Variants in CADPS2 observed in about 807,000 individuals in gnomAD.
CADPS2 encodes calcium-dependent secretion activator 2.
CADPS2 carries 93 observed loss-of-function variants against 172.5 expected under a neutral mutation model. That is an observed-to-expected ratio of 0.54 (90% CI 0.46 to 0.64). CADPS2 has a LOEUF of 0.64. Among genes scored for constraint, CADPS2 ranks in the 30% least tolerant of loss-of-function variants. CADPS2 has a pLI of 0.00. For missense variants in CADPS2, 1,420 were observed against 1,565.9 expected (o/e 0.91, Z 1.57); for synonymous variants, 546 against 555.2 (o/e 0.98, Z 0.23).
intron 8 of CADPS2, among the ~76,000 whole-genome samples, chr7:122,519,645 C>T (rs1028788817): frequency 6.6e-6 from 1 of 151,832 alleles, no homozygotes; most frequent in African/African-American, 2.4e-5. Flanking sequence ...ACAAAGACAA[C>T]TAAATATATT....
rs1034126362 is a variant in CADPS2 at position 122,726,993 on chromosome 7, A to G, written c.453+9962T>C. Among the ~76,000 whole-genome samples the G allele has an allele frequency of 4.6e-5, 7 of 152,068 alleles. No individual in the cohort carries two copies. The East Asian group carries it at 1.4e-3, about 30-fold the overall frequency. ...CCTGTAAAATGGAATCTGTGGTCAA[A>G]TGGACCTCCCCATCAGAAAGCTTCA... On this transcript the variant is annotated intron_variant, in intron 2 of 29. Transcript: ENST00000449022.
intron 9 of CADPS2, among the ~76,000 whole-genome samples, chr7:122,498,306 C>T (rs1450334933): frequency 6.6e-6 from 1 of 152,092 alleles, no homozygotes; most frequent in Non-Finnish European, 1.5e-5. Context: ...TCATTTTGCA[C>T]TTTCATCATG....
intron 2 of CADPS2, among the ~76,000 whole-genome samples, chr7:122,732,039 G>A (rs1459123039): frequency 2.0e-5 from 3 of 151,616 alleles, no homozygotes. Context: ...CTCAGTATAT[G>A]CTTTTATGTA....
chr7:122,380,125 G>A (rs1459690028), intron 24 of CADPS2, among the ~76,000 whole-genome samples: 1 of 151,968 alleles, frequency 6.6e-6, no homozygotes, highest in Non-Finnish European at 1.5e-5. Context: ...AAAAAAAGAT[G>A]TATTTAAAAT....
chr7:122,833,199 T>C (rs1383576044), intron 1 of CADPS2, among the ~76,000 whole-genome samples: 5 of 152,212 alleles, frequency 3.3e-5, no homozygotes, highest in Non-Finnish European at 7.3e-5. Flanking sequence ...ATTACAGAAT[T>C]CAAAACTTTG....
chr7:122,718,444 G>A (rs2089957382), intron 2 of CADPS2, among the ~76,000 whole-genome samples: 1 of 152,016 alleles, frequency 6.6e-6, no homozygotes, highest in African/African-American at 2.4e-5. Context: ...AGGGAAAGCA[G>A]CCTATAGGAT....
intron 1 of CADPS2, among the ~76,000 whole-genome samples, chr7:122,775,105 A>C: frequency 6.6e-6 from 1 of 152,166 alleles, no homozygotes; most frequent in Admixed American, 6.5e-5. Flanking sequence ...GTGTTATAAA[A>C]GTTTTATGGA....
At chr7:122,813,096 G>A (rs1800444644) in intron 1 of CADPS2, among the ~76,000 whole-genome samples, 1 of 151,968 alleles carries the variant, frequency 6.6e-6, no homozygotes, top group Non-Finnish European at 1.5e-5. Context: ...TGCTCAATCA[G>A]ATTTCAAAGC....
At chr7:122,863,979 G>A (rs1332989062) in intron 1 of CADPS2, among the ~76,000 whole-genome samples, 1 of 152,148 alleles carries the variant, frequency 6.6e-6, no homozygotes, top group Non-Finnish European at 1.5e-5. Context: ...GCAGTGAGCT[G>A]AAATCACGCC....
At chr7:122,522,995 T>A (rs2060930894) in intron 8 of CADPS2, among the ~76,000 whole-genome samples, 1 of 152,216 alleles carries the variant, frequency 6.6e-6, no homozygotes, top group African/African-American at 2.4e-5. Context: ...GCTGATTTCA[T>A]ATGTTGGCTA....
intron 14 of CADPS2, among the ~76,000 whole-genome samples, chr7:122,459,514 A>ATTAAATTT (rs1393732587): frequency 2.2e-4 from 34 of 152,230 alleles, no homozygotes; most frequent in African/African-American, 7.9e-4. Flanking sequence ...TTTTCCTGCA[A>ATTAAATTT]CCTCACCAAC....
intron 29 of CADPS2, among the ~76,000 whole-genome samples, chr7:122,322,482 C>T (rs1414080894): frequency 6.6e-6 from 1 of 152,200 alleles, no homozygotes; most frequent in Non-Finnish European, 1.5e-5. Flanking sequence ...TTCCCTGTGG[C>T]TTCCACAAAG....
intron 2 of CADPS2, among the ~76,000 whole-genome samples, chr7:122,684,194 C>T (rs771738345): frequency 2.3e-4 from 35 of 151,954 alleles, no homozygotes; most frequent in Non-Finnish European, 4.1e-4. Flanking sequence ...TACTTATATC[C>T]ATCAGCCTGT....
intron 7 of CADPS2, among the ~76,000 whole-genome samples, chr7:122,578,039 G>T (rs1299330016): frequency 6.6e-6 from 1 of 150,906 alleles, no homozygotes; most frequent in South Asian, 2.1e-4. Flanking sequence ...TAACTTAATA[G>T]AAGTTATTTG....
intron 2 of CADPS2, among the ~76,000 whole-genome samples, chr7:122,724,314 C>T (rs984342225): frequency 6.6e-6 from 1 of 151,940 alleles, no homozygotes; most frequent in Non-Finnish European, 1.5e-5. Context: ...ACCTGACTAG[C>T]ACTTAAAAAA....
At chr7:122,786,348 T>G (rs1362784933) in intron 1 of CADPS2, among the ~76,000 whole-genome samples, 1 of 152,150 alleles carries the variant, frequency 6.6e-6, no homozygotes, top group Non-Finnish European at 1.5e-5. Flanking sequence ...GACACTGGGA[T>G]AAAGGACTGA....
At chr7:122,824,810 T>G (rs925970669) in intron 1 of CADPS2, among the ~76,000 whole-genome samples, 3 of 152,188 alleles carry the variant, frequency 2.0e-5, no homozygotes, top group African/African-American at 7.2e-5. Context: ...TTTTTTATAT[T>G]TAGAAGTTAC....
chr7:122,516,931 A>G (rs577683903), intron 8 of CADPS2, among the ~76,000 whole-genome samples: 67 of 152,196 alleles, frequency 4.4e-4, no homozygotes, highest in African/African-American at 1.5e-3. Context: ...ATAAAGTAAA[A>G]TTACCTGTTT....
chr7:122,804,034 G>C (rs553223582), intron 1 of CADPS2, among the ~76,000 whole-genome samples: 1 of 150,446 alleles, frequency 6.6e-6, no homozygotes, highest in East Asian at 2.0e-4. Flanking sequence ...TTGCTTAAGG[G>C]ACAGCTCTCC....
Sources: allele counts gnomAD v4.1 joint callset (sites outside exome capture counted in the v4.1 genomes callset), GRCh38; gene constraint gnomAD v4.1.1; transcripts MANE v1.5; gene names NCBI Gene and HGNC (gene_info 2026-07-23, HGNC 2026-07-21).